FARSA: variants seen among roughly 807,000 people sequenced by gnomAD.
FARSA encodes the protein phenylalanyl-tRNA synthetase subunit alpha.
Under a neutral mutation model 63.2 loss-of-function variants are expected in FARSA, and 37 were observed. The observed-to-expected ratio is 0.59, with a 90% CI of 0.45 to 0.77. The LOEUF (loss-of-function observed/expected upper bound fraction) is 0.77, where lower values mean the gene tolerates loss of function less well. Ranked by LOEUF, FARSA falls within the 30% of genes least tolerant of loss-of-function variation. The probability of loss-of-function intolerance (pLI) is 0.00; values close to 1 mark genes in which losing one functional copy is unlikely to be tolerated. For synonymous variants in FARSA, 312 were observed against 285.1 expected (o/e 1.09, Z -0.95); for missense variants, 618 against 696.6 (o/e 0.89, Z 1.27).
At position 12,924,669 on chromosome 19, in the gene FARSA, C is replaced by T; in HGVS notation, c.1165G>A (p.Gly389Ser). Residue 389 changes from glycine (G) to serine (S), a missense_variant, in exon 10 of 13, where the codon GGC (glycine) becomes AGC (serine). Transcript: ENST00000314606. The surrounding 1 kb of genome is among the most constrained non-coding windows in gnomAD (Gnocchi z 6.4). ...TTGGTGAAGAACTCCCGCAGAACGC[C>T]CATGAGGTGGCCCAAGGTGAGACCA... ...DHGLTLGHLMGVLREFFTKLG... is the reference protein window; with the variant it reads ...DHGLTLGHLMSVLREFFTKLG... 1 of 1,595,674 alleles carries T rather than the reference C, an allele frequency of 6.3e-7. No homozygotes were observed. The highest frequency in any genetic ancestry group is 2.2e-5 in the East Asian group (1 of 44,724).
At chr19:12,923,772 G>A (rs1971293064) in intron 12 of FARSA, among the ~76,000 whole-genome samples, 1 of 152,154 alleles carries the variant, frequency 6.6e-6, no homozygotes, top group Admixed American at 6.5e-5. Flanking sequence ...GTGCCACCAC[G>A]CCTGGCCTGT....
chr19:12,928,507 C>T (rs763492700), intron 6 of FARSA, 28 bp downstream of exon 6: 2 of 1,613,860 alleles, frequency 1.2e-6, no homozygotes, highest in Admixed American at 3.3e-5. Flanking sequence ...GCAGAAGCAC[C>T]AGGCACCGCC....
chr19:12,924,966 T>A lies in FARSA; in HGVS notation c.964A>T (p.Asn322Tyr). The change falls in exon 9 of 13, where the codon AAC (asparagine) becomes TAC (tyrosine). Residue 322 changes from asparagine (N) to tyrosine (Y), a missense_variant. By Grantham distance (143) the Asn-to-Tyr change is moderately radical. Coordinates refer to ENST00000314606, the MANE Select transcript of FARSA (RefSeq NM_004461.3). This position sits in a 1 kb window ranked among gnomAD's most constrained non-coding sequence, Gnocchi z 6.4. ...YNWKLDEARK[N>Y]LLRTHTTSAS... Reference sequence around the variant, plus strand: ...GATGTGGTGTGGGTTCGCAGTAGGTTTTTCCGGGCCTCGTCCAGCTTCCAG... The same window carrying A: ...GATGTGGTGTGGGTTCGCAGTAGGTATTTCCGGGCCTCGTCCAGCTTCCAG... The A allele has an allele frequency of 6.2e-7, 1 of 1,614,128 alleles. No individual in the cohort carries two copies. The highest frequency in any genetic ancestry group is 1.1e-5 in the South Asian group (1 of 91,084).
Position 12,933,543 on chromosome 19 carries a change from G to T in FARSA, c.147+7C>A. ...CAAGGCGGTCCGGCATCACGGGCCC[G>T]GCTCACCTCGCCCAGCGCCTGAAGG... On this transcript the variant is annotated splice_region_variant and intron_variant, in intron 1 of 12. Coordinates refer to ENST00000314606, the MANE Select transcript of FARSA (RefSeq NM_004461.3). 6.5e-7 allele frequency: 1 copy of T among 1,540,442 alleles called. No homozygotes were observed. Among genetic ancestry groups the T allele is most frequent in the East Asian group, 2.4e-5 (1 of 41,146 alleles).
At chr19:12,923,403 C>A (rs1025264965) in intron 12 of FARSA, among the ~76,000 whole-genome samples, 2 of 152,184 alleles carry the variant, frequency 1.3e-5, no homozygotes, top group African/African-American at 4.8e-5. Flanking sequence ...TCAAGTGATT[C>A]TCATACCTCA....
rs1238105576 is a variant in FARSA, at chr19:12,930,229, G to GC, written c.496dup (p.Ala166GlyfsTer2). 6.2e-6 allele frequency: 10 copies of GC among 1,613,652 alleles called. No individual in the cohort carries two copies. The highest frequency in any genetic ancestry group is 5.9e-6 in the Non-Finnish European group (7 of 1,179,692). On this transcript the variant is annotated frameshift_variant, in exon 4 of 13. Coordinates refer to ENST00000314606, the MANE Select transcript of FARSA (RefSeq NM_004461.3). LOFTEE classifies it high-confidence loss of function. ...GCAGGGGGCACCCACTCACACTTCAGCCAACAGCTTCCTCTTCCTCAGCTC... is the reference window on the plus strand; with the variant it reads ...GCAGGGGGCACCCACTCACACTTCAGCCCAACAGCTTCCTCTTCCTCAGCTC...
chr19:12,930,235 A>C lies in FARSA; in HGVS notation c.491T>G (p.Leu164Arg). The C allele has an allele frequency of 6.2e-7, 1 of 1,613,978 alleles. No homozygotes were observed. The highest frequency in any genetic ancestry group is 1.1e-5 in the South Asian group (1 of 91,080). ...GGCACCCACTCACACTTCAGCCAAC[A>C]GCTTCCTCTTCCTCAGCTCGCTCCT... is the stretch of plus-strand genomic sequence containing the variant. ...KERSELRKRK[L>R]LAEVTLKTYW... Residue 164 changes from leucine (L) to arginine (R), a missense_variant, in exon 4 of 13, where the codon CTG becomes CGG. Transcript: ENST00000314606.
chr19:12,931,177 C>A (rs1971390490), intron 1 of FARSA, among the ~76,000 whole-genome samples: 1 of 152,196 alleles, frequency 6.6e-6, no homozygotes, highest in Non-Finnish European at 1.5e-5. Context: ...CTCACTGCAG[C>A]CTAGACCTCC....
At chr19:12,929,844 T>C (rs1245759028) in intron 4 of FARSA, among the ~76,000 whole-genome samples, 2 of 152,146 alleles carry the variant, frequency 1.3e-5, no homozygotes, top group African/African-American at 4.8e-5. Context: ...GCCTGTCTGG[T>C]GTGTGTTCAT....
intron 1 of FARSA, 113 bp from the exon 2 acceptor site, chr19:12,930,862 A>C: frequency 8.0e-7 from 1 of 1,249,422 alleles, no homozygotes; most frequent in Non-Finnish European, 1.1e-6. Context: ...AGCTAGGTTC[A>C]CATCCCAGCT....
chr19:12,930,825 G>C, intron 1 of FARSA, 76 bp from the exon 2 acceptor site: 1 of 1,554,504 alleles, frequency 6.4e-7, no homozygotes, highest in Non-Finnish European at 8.8e-7. Flanking sequence ...GCAGCGCTGG[G>C]TCCCAGGTTG....
chr19:12,924,626 C>T lies in FARSA; in HGVS notation c.1195+13G>A. The stretch of plus-strand genomic sequence containing the variant: ...GCCTCACCACCATGGCCCACCCCTG[C>T]CCCCCTGCTCACCCAGCTTGGTGAA... On this transcript the variant is annotated intron_variant, in intron 10 of 12. Transcript: ENST00000314606. The surrounding 1 kb of genome is among the most constrained non-coding windows in gnomAD (Gnocchi z 6.4). The T allele has an allele frequency of 6.2e-7, 1 of 1,607,486 alleles. No individual in the cohort carries two copies. Among genetic ancestry groups the T allele is most frequent in the Non-Finnish European group, 8.5e-7 (1 of 1,176,326 alleles).
At position 12,924,625 on chromosome 19, in the gene FARSA, G is replaced by A. The variant is rs1568443674; in HGVS notation, c.1195+14C>T. 6.2e-7 allele frequency: 1 copy of A among 1,608,966 alleles called. No individual in the cohort carries two copies. Among genetic ancestry groups the A allele is most frequent in the Non-Finnish European group, 8.5e-7 (1 of 1,177,118 alleles). On this transcript the variant is annotated intron_variant, in intron 10 of 12. Coordinates refer to ENST00000314606, the MANE Select transcript of FARSA (RefSeq NM_004461.3). The surrounding 1 kb of genome is among the most constrained non-coding windows in gnomAD (Gnocchi z 6.4). ...TGCCTCACCACCATGGCCCACCCCT[G>A]CCCCCCTGCTCACCCAGCTTGGTGA...
chr19:12,927,711 G>A (rs1344248916), intron 7 of FARSA, among the ~76,000 whole-genome samples: 2 of 119,424 alleles, frequency 1.7e-5, no homozygotes, highest in Non-Finnish European at 1.7e-5. Flanking sequence ...TAGCTTGGGC[G>A]ACAGAATGAG....
At chr19:12,932,231 T>A (rs1971405893) in intron 1 of FARSA, among the ~76,000 whole-genome samples, 1 of 151,758 alleles carries the variant, frequency 6.6e-6, no homozygotes, top group Non-Finnish European at 1.5e-5. Flanking sequence ...CAGGGTTTCA[T>A]CATCTTGGCC....
At position 12,933,540 on chromosome 19, in the gene FARSA, C is replaced by G. The variant is rs945596604; in HGVS notation, c.147+10G>C. Reference sequence around the variant, plus strand: ...GGGCAAGGCGGTCCGGCATCACGGGCCCGGCTCACCTCGCCCAGCGCCTGA... The same window carrying G: ...GGGCAAGGCGGTCCGGCATCACGGGGCCGGCTCACCTCGCCCAGCGCCTGA... On this transcript the variant is annotated intron_variant, in intron 1 of 12. Coordinates refer to ENST00000314606, the MANE Select transcript of FARSA (RefSeq NM_004461.3). 2.6e-6 allele frequency: 4 copies of G among 1,539,684 alleles called. No individual in the cohort carries two copies. The Admixed American group carries it at 5.8e-5, about 22-fold the overall frequency.
chr19:12,925,243 G>T, intron 7 of FARSA, 69 bp from the exon 8 acceptor site: 1 of 1,330,336 alleles, frequency 7.5e-7, no homozygotes, highest in Non-Finnish European at 1.1e-6. Flanking sequence ...TTTCAGACAG[G>T]GTCTCACTGT....
At chr19:12,923,295 T>C (rs1040973780) in intron 12 of FARSA, among the ~76,000 whole-genome samples, 1 of 152,204 alleles carries the variant, frequency 6.6e-6, no homozygotes, top group East Asian at 1.9e-4. Context: ...CTTCTTTTGC[T>C]GAGTGCATTT....
At chr19:12,925,208 C>A in intron 7 of FARSA, 34 bp from the exon 8 acceptor site, 1 of 1,510,864 alleles carries the variant, frequency 6.6e-7, no homozygotes, top group South Asian at 1.2e-5. Context: ...GGTCAGTCAA[C>A]GAGCATTTCC....
Sources: allele counts gnomAD v4.1 joint callset (sites outside exome capture counted in the v4.1 genomes callset), GRCh38; gene constraint gnomAD v4.1.1; non-coding constraint Gnocchi (gnomAD v3.1); transcripts MANE v1.5; gene names NCBI Gene and HGNC (gene_info 2026-07-23, HGNC 2026-07-21).